The following TOX3 variants were observed in gnomAD, a reference collection of about 807,000 sequenced individuals.
TOX3 encodes CAG trinucleotide repeat-containing gene F9 protein.
In TOX3, 22 loss-of-function variants were observed where a neutral mutation model predicts 64.3. The ratio of observed to expected loss-of-function variants is 0.34; its 90% confidence interval spans 0.24 to 0.49. The LOEUF (loss-of-function observed/expected upper bound fraction) is 0.49. Ranked by LOEUF, TOX3 falls within the 20% of genes least tolerant of loss-of-function variation. The pLI is 0.99. For synonymous variants in TOX3, 291 were observed against 273.6 expected (o/e 1.06, Z -0.63); for missense variants, 661 against 714.4 (o/e 0.93, Z 0.85).
At chr16:52,468,418 T>G (rs1032241940) in intron 2 of TOX3, 91 bp downstream of exon 2, 6 of 1,188,938 alleles carry the variant, frequency 5.0e-6, no homozygotes, top group Non-Finnish European at 6.1e-6. Flanking sequence ...AAGAGAGAGA[T>G]AAATTTGATA....
chr16:52,542,542 G>A lies in TOX3; in HGVS notation c.87+4095C>T, dbSNP rs537089139. 5.3e-5 allele frequency among the ~76,000 whole-genome samples: 8 copies of A among 152,188 alleles called. No individual in the cohort carries two copies. The South Asian group carries it at 1.7e-3, about 32-fold the overall frequency. On this transcript the variant is annotated intron_variant, in intron 1 of 6. Transcript: ENST00000219746. ...ATAGAGATATTGGACCCAAATGTTG[G>A]CATGGCAACACTCTACTAATGCTGA... is the stretch of plus-strand genomic sequence containing the variant.
intron 1 of TOX3, among the ~76,000 whole-genome samples, chr16:52,544,742 T>C (rs1194845746): frequency 6.6e-6 from 1 of 152,188 alleles, no homozygotes; most frequent in Non-Finnish European, 1.5e-5. Flanking sequence ...AGACTCAAAA[T>C]AGCCTTTCTC....
intron 1 of TOX3, among the ~76,000 whole-genome samples, chr16:52,519,884 C>A (rs986825257): frequency 6.6e-6 from 1 of 151,608 alleles, no homozygotes; most frequent in Non-Finnish European, 1.5e-5. Context: ...ATTGCTTGAG[C>A]CTGGGAGGTC....
chr16:52,545,763 G>T (rs372337382), intron 1 of TOX3, among the ~76,000 whole-genome samples: 3 of 152,198 alleles, frequency 2.0e-5, no homozygotes, highest in Non-Finnish European at 2.9e-5. Context: ...GAGGACAGAG[G>T]ACACCGGATG....
In TOX3 at chr16:52,464,106, A is replaced by G. The variant is rs1960782795; in HGVS notation, c.236T>C (p.Leu79Pro). The G allele has an allele frequency of 6.3e-7, 1 of 1,599,370 alleles. No individual in the cohort carries two copies. Among genetic ancestry groups the G allele is most frequent in the Non-Finnish European group, 8.5e-7 (1 of 1,172,946 alleles). ...GGGTAGCAGTACATCCGGCATGCCTAGGGCAGGGTCTGACTCTGGAGGAGG... is the reference window on the plus strand; with the variant it reads ...GGGTAGCAGTACATCCGGCATGCCTGGGGCAGGGTCTGACTCTGGAGGAGG... ...ITPPPESDPA[L>P]GMPDVLLPFQ... The change falls in exon 3 of 7, where the codon CTA becomes CCA. Residue 79 changes from leucine (L) to proline (P), a missense_variant. Around this residue, in one of 3 missense-constraint regions of TOX3, gnomAD observed 259 missense variants for 261.2 expected, o/e 0.99. Transcript: ENST00000219746.
intron 6 of TOX3, among the ~76,000 whole-genome samples, chr16:52,441,965 T>C (rs562855140): frequency 1.1e-4 from 17 of 152,206 alleles, no homozygotes; most frequent in Non-Finnish European, 2.4e-4. Flanking sequence ...TAAAGTTGAA[T>C]ACACACAATA....
intron 1 of TOX3, among the ~76,000 whole-genome samples, chr16:52,485,242 G>GTGTGTATATATATATATATA (rs1304139022): frequency 1.0e-5 from 1 of 100,478 alleles, no homozygotes; most frequent in African/African-American, 5.5e-5. Context: ...GTGTATGTGT[G>GTGTGTATATATATATATATA]TGTGTATATA....
intron 2 of TOX3, among the ~76,000 whole-genome samples, chr16:52,467,471 A>G (rs1259981576): frequency 1.3e-5 from 2 of 152,298 alleles, no homozygotes; most frequent in South Asian, 2.1e-4. Flanking sequence ...TCTCAAAGTT[A>G]ATTTCTTTCA....
intron 1 of TOX3, among the ~76,000 whole-genome samples, chr16:52,501,678 AAAC>A (rs1242427498): frequency 5.4e-5 from 7 of 129,294 alleles, no homozygotes; most frequent in African/African-American, 3.4e-4. Flanking sequence ...ACAAACAAAC[AAAC>A]AAAAAAAAAA....
chr16:52,472,938 A>G lies in TOX3; in HGVS notation c.88-4364T>C, dbSNP rs148769892. On this transcript the variant is annotated intron_variant, in intron 1 of 6. Coordinates refer to ENST00000219746, the MANE Select transcript of TOX3 (RefSeq NM_001080430.4). ...CTCTGCATTGAACTTCTGTATCTTA[A>G]TAATTTCAAAAAGAACATCCTCATT... 4.0e-3 allele frequency among the ~76,000 whole-genome samples: 604 copies of G among 152,328 alleles called. 5 individuals are homozygous for G. The highest frequency in any genetic ancestry group is 0.014 in the African/African-American group (576 of 41,566).
At chr16:52,539,074 C>T (rs1008501351) in intron 1 of TOX3, among the ~76,000 whole-genome samples, 1 of 152,052 alleles carries the variant, frequency 6.6e-6, no homozygotes, top group Non-Finnish European at 1.5e-5. Context: ...AAAACAGATT[C>T]TCTAAAATAG....
At chr16:52,521,764 A>T (rs892203107) in intron 1 of TOX3, among the ~76,000 whole-genome samples, 1 of 152,212 alleles carries the variant, frequency 6.6e-6, no homozygotes, top group African/African-American at 2.4e-5. Flanking sequence ...AACTTGTTAG[A>T]AATGCAAATT....
chr16:52,455,294 G>A (rs913918385), intron 3 of TOX3, among the ~76,000 whole-genome samples: 1 of 152,006 alleles, frequency 6.6e-6, no homozygotes, highest in African/African-American at 2.4e-5. Flanking sequence ...ATGATCCTTT[G>A]TTGGGGGAGG....
chr16:52,507,890 G>A (rs979545043), intron 1 of TOX3, among the ~76,000 whole-genome samples: 5 of 152,032 alleles, frequency 3.3e-5, no homozygotes, highest in African/African-American at 2.4e-5. Context: ...ATCATGTTAG[G>A]CAACAGAATT....
intron 6 of TOX3, among the ~76,000 whole-genome samples, chr16:52,440,853 T>G (rs1959957973): frequency 7.0e-6 from 1 of 142,458 alleles, no homozygotes; most frequent in South Asian, 2.5e-4. Flanking sequence ...CTCTGCCTCC[T>G]GGGTTTGTGC....
At chr16:52,483,142 C>T (rs1359490458) in intron 1 of TOX3, among the ~76,000 whole-genome samples, 1 of 152,180 alleles carries the variant, frequency 6.6e-6, no homozygotes. Context: ...GAAAACCTCC[C>T]AGGAAAACCA....
chr16:52,439,862 T>G lies in TOX3; in HGVS notation c.1094A>C (p.His365Pro). The change falls in exon 7 of 7, where the codon CAT (histidine) becomes CCT (proline). Residue 365 changes from histidine (H) to proline (P), a missense_variant. Physicochemically the swap from His to Pro is moderately conservative, Grantham distance 77 (BLOSUM62 -2). Around this residue, in one of 3 missense-constraint regions of TOX3, gnomAD observed 299 missense variants for 292.1 expected, o/e 1.02. Transcript: ENST00000219746. ...CTGAGGTGATGCTGACACTGTTCCA[T>G]GTTGAGACAGTGGAGTGTTGAGAAG... ...SLLLNTPLSQ[H>P]GTVSASPQTL... The G allele has an allele frequency of 6.2e-7, 1 of 1,613,824 alleles. No homozygotes were observed. The highest frequency in any genetic ancestry group is 8.5e-7 in the Non-Finnish European group (1 of 1,179,808).
chr16:52,484,209 T>G (rs1443620751), intron 1 of TOX3, among the ~76,000 whole-genome samples: 3 of 152,228 alleles, frequency 2.0e-5, no homozygotes, highest in Non-Finnish European at 4.4e-5. Flanking sequence ...TCCAAGAGTT[T>G]TCATTCATCA....
chr16:52,485,732 C>G (rs1961513340), intron 1 of TOX3, among the ~76,000 whole-genome samples: 1 of 151,976 alleles, frequency 6.6e-6, no homozygotes, highest in South Asian at 2.1e-4. Flanking sequence ...AAAATTGTGC[C>G]TCAGACCAGA....
Sources: allele counts gnomAD v4.1 joint callset (sites outside exome capture counted in the v4.1 genomes callset), GRCh38; gene constraint gnomAD v4.1.1; regional missense constraint gnomAD v4.1.1; transcripts MANE v1.5; gene names NCBI Gene and HGNC (gene_info 2026-07-23, HGNC 2026-07-21).